Variants in SIAH3 observed in about 807,000 individuals in gnomAD.
SIAH3 encodes the protein siah E3 ubiquitin protein ligase family member 3.
Under a neutral mutation model 12.6 loss-of-function variants are expected in SIAH3, and 9 were observed. The observed-to-expected ratio is 0.72, with a 90% CI of 0.43 to 1.25. SIAH3 has a LOEUF of 1.25. SIAH3 is among the 50% of genes most tolerant of loss of function. The pLI is 0.00. For missense variants in SIAH3, 390 were observed against 365.4 expected (o/e 1.07, Z -0.55); for synonymous variants, 154 against 151.1 (o/e 1.02, Z -0.14).
At chr13:45,793,323 C>T (rs778547664) in intron 1 of SIAH3, among the ~76,000 whole-genome samples, 2 of 152,234 alleles carry the variant, frequency 1.3e-5, no homozygotes, top group Non-Finnish European at 2.9e-5. Context: ...CACATGCCAT[C>T]CTTGTTTCTC....
chr13:45,839,531 T>A (rs961301762), intron 1 of SIAH3, among the ~76,000 whole-genome samples: 3 of 152,214 alleles, frequency 2.0e-5, no homozygotes, highest in African/African-American at 7.2e-5. Context: ...AGAAATACTG[T>A]ATACAAACCA....
intron 1 of SIAH3, among the ~76,000 whole-genome samples, chr13:45,808,205 T>C (rs7335674): frequency 4.0e-5 from 6 of 151,896 alleles, no homozygotes; most frequent in Non-Finnish European, 4.4e-5. Context: ...AAGAAAGTGA[T>C]GAAGAAAATG....
intron 1 of SIAH3, 128 bp from the exon 2 acceptor site, chr13:45,784,185 C>CAACAAACAAACA (rs10578981): frequency 9.7e-5 from 68 of 700,578 alleles, no homozygotes; most frequent in African/African-American, 8.4e-4. Flanking sequence ...ATTTCTTAAA[C>CAACAAACAAACA]AACAAACAAA....
intron 1 of SIAH3, among the ~76,000 whole-genome samples, chr13:45,816,499 C>G (rs551304524): frequency 1.3e-5 from 2 of 152,314 alleles, no homozygotes; most frequent in African/African-American, 4.8e-5. Context: ...CTATAAATTA[C>G]AACAGCTGAG....
chr13:45,825,050 C>T (rs181694663), intron 1 of SIAH3, among the ~76,000 whole-genome samples: 1 of 152,074 alleles, frequency 6.6e-6, no homozygotes, highest in Admixed American at 6.6e-5. Flanking sequence ...ATCGTGGGTG[C>T]TTAATACATA....
intron 1 of SIAH3, among the ~76,000 whole-genome samples, chr13:45,843,032 C>CTGTGTGTGTGTG (rs746384493): frequency 0.011 from 1,451 of 126,888 alleles, 25 homozygotes; most frequent in African/African-American, 0.045. Flanking sequence ...CTCTCTCTCT[C>CTGTGTGTGTGTG]TCTGTGTGTG....
chr13:45,821,852 G>C (rs1195777857), intron 1 of SIAH3, among the ~76,000 whole-genome samples: 1 of 152,228 alleles, frequency 6.6e-6, no homozygotes, highest in Non-Finnish European at 1.5e-5. Context: ...TGTTCACTGT[G>C]AAATATCTGG....
chr13:45,831,599 C>G (rs1205647298), intron 1 of SIAH3, among the ~76,000 whole-genome samples: 1 of 152,084 alleles, frequency 6.6e-6, no homozygotes, highest in Non-Finnish European at 1.5e-5. Context: ...GCAGTTTATA[C>G]TCTAATGAGA....
chr13:45,851,634 A>C lies in SIAH3; in HGVS notation c.-5T>G, dbSNP rs371099092. On this transcript the variant is annotated 5_prime_UTR_variant, in exon 1 of 2. Coordinates refer to ENST00000400405, the MANE Select transcript of SIAH3 (RefSeq NM_198849.3). The stretch of plus-strand genomic sequence containing the variant: ...GCACTGGGTAAAGAAAAGCATCACA[A>C]CTTTTGGGGGGTTGTTGGTCCGGGA... 1.9e-5 allele frequency: 31 copies of C among 1,613,974 alleles called. No individual in the cohort carries two copies. The African/African-American group carries it at 3.9e-4, about 20-fold the overall frequency.
intron 1 of SIAH3, among the ~76,000 whole-genome samples, chr13:45,840,356 G>A (rs1292332540): frequency 6.6e-6 from 1 of 152,220 alleles, no homozygotes; most frequent in African/African-American, 2.4e-5. Context: ...TTCCTCATGT[G>A]TAAACTGGAA....
intron 1 of SIAH3, among the ~76,000 whole-genome samples, chr13:45,784,400 T>G (rs1019016392): frequency 5.1e-3 from 339 of 67,046 alleles, no homozygotes; most frequent in African/African-American, 0.028. Flanking sequence ...AGACAGCTGT[T>G]TTTTTTTTTT....
chr13:45,782,230 C>T lies in SIAH3; in HGVS notation c.*1153G>A, dbSNP rs1950507102. 2 of 152,260 alleles carry T rather than the reference C, an allele frequency of 1.3e-5. No individual in the cohort carries two copies. Among genetic ancestry groups the T allele is most frequent in the South Asian group, 2.1e-4 (1 of 4,828 alleles). 9.4% of individuals were successfully genotyped at this position (152,260 alleles called of 1,614,324 possible). On this transcript the variant is annotated 3_prime_UTR_variant, in exon 2 of 2. Transcript: ENST00000400405. ...GATTTCCGTCACTGTGTCATTCATA[C>T]TGCAACAGGTGCTGAATACATACTT...
At chr13:45,849,773 G>A (rs1950773100) in intron 1 of SIAH3, among the ~76,000 whole-genome samples, 1 of 152,208 alleles carries the variant, frequency 6.6e-6, no homozygotes, top group African/African-American at 2.4e-5. Flanking sequence ...ATCATCAGCT[G>A]CAGTCAATGA....
chr13:45,806,413 G>A (rs1950598618), intron 1 of SIAH3, among the ~76,000 whole-genome samples: 2 of 152,158 alleles, frequency 1.3e-5, no homozygotes, highest in African/African-American at 2.4e-5. Flanking sequence ...TATATCCTTT[G>A]CAGCAACATG....
At position 45,783,599 on chromosome 13, in the gene SIAH3, G is replaced by A. The variant is rs979651414; in HGVS notation, c.594C>T (p.Cys198=). The part of the protein sequence containing the change: ...MLIGTPTQAD[C]FTYRLELNRN... ...TGTTGAGCTCCAGGCGATAGGTGAA[G>A]CAGTCGGCCTGGGTGGGGGTCCCAA... is the stretch of plus-strand genomic sequence containing the variant. Residue 198 remains cysteine (C), a synonymous_variant, in exon 2 of 2, where the codon TGC becomes TGT. Coordinates refer to ENST00000400405, the MANE Select transcript of SIAH3 (RefSeq NM_198849.3). 6.2e-7 allele frequency: 1 copy of A among 1,614,246 alleles called. No individual in the cohort carries two copies. The highest frequency in any genetic ancestry group is 8.5e-7 in the Non-Finnish European group (1 of 1,180,048).
chr13:45,820,531 G>A (rs56186723), intron 1 of SIAH3, among the ~76,000 whole-genome samples: 25,981 of 152,190 alleles, frequency 0.17, 2,692 homozygotes, highest in East Asian at 0.23. Flanking sequence ...TTAAGAGTTT[G>A]TTCATTTGAT....
intron 1 of SIAH3, among the ~76,000 whole-genome samples, chr13:45,821,540 T>G (rs561586174): frequency 1.2e-4 from 19 of 152,352 alleles, no homozygotes; most frequent in Admixed American, 4.6e-4. Context: ...GTAGAGTGCC[T>G]GACACATAGT....
chr13:45,822,165 C>A lies in SIAH3; in HGVS notation c.135+29330G>T, dbSNP rs763319662. Among the ~76,000 whole-genome samples the A allele has an allele frequency of 1.4e-4, 21 of 152,236 alleles. No homozygotes were observed. In the Middle Eastern group the frequency reaches 0.01, roughly 74 times the overall value. ...CTGAGACAGCTGGTGCAACAGGGAG[C>A]TTTTCTGAAGACACTGGGGTCTCAA... On this transcript the variant is annotated intron_variant, in intron 1 of 1. Coordinates refer to ENST00000400405, the MANE Select transcript of SIAH3 (RefSeq NM_198849.3).
chr13:45,811,642 G>T (rs1029096678), intron 1 of SIAH3, among the ~76,000 whole-genome samples: 1 of 152,062 alleles, frequency 6.6e-6, no homozygotes, highest in Non-Finnish European at 1.5e-5. Flanking sequence ...TTTGTATTTG[G>T]CAAAGCACTT....
Sources: gnomAD v4.1 joint callset for allele counts (sites outside exome capture counted in the v4.1 genomes callset) on GRCh38, gnomAD v4.1.1 for gene constraint, MANE v1.5 for transcripts, NCBI Gene and HGNC (gene_info 2026-07-23, HGNC 2026-07-21) for gene names.